ERC2: variants seen among roughly 807,000 people sequenced by gnomAD.
ERC2 encodes ERC protein 2.
ERC2 carries 42 observed loss-of-function variants against 114.8 expected under a neutral mutation model. The ratio of observed to expected loss-of-function variants is 0.37; its 90% CI spans 0.29 to 0.47. The LOEUF (loss-of-function observed/expected upper bound fraction) is 0.47, where lower values mean the gene tolerates loss of function less well. ERC2 is among the 20% of genes least tolerant of loss of function. ERC2 has a pLI of 0.99. For synonymous variants in ERC2, 454 were observed against 425.5 expected, an observed-to-expected ratio of 1.07 and a Z score of -0.82; for missense variants, 939 against 1,150.7, an observed-to-expected ratio of 0.82 and a Z score of 2.66.
intron 15 of ERC2, among the ~76,000 whole-genome samples, chr3:55,727,701 A>G (rs1264826925): frequency 6.6e-6 from 1 of 152,218 alleles, no homozygotes; most frequent in East Asian, 1.9e-4. Flanking sequence ...AGGAGTTTTC[A>G]GGGATGAAAT....
At position 56,241,829 on chromosome 3, in the gene ERC2, G is replaced by C. The variant is rs374760538; in HGVS notation, c.1074+54190C>G. On this transcript the variant is annotated intron_variant, in intron 3 of 17. Transcript: ENST00000288221. Reference sequence around the variant, plus strand: ...ACACTCACCTACATGCTAGAGCAGGGGTCAACTAATGATGACATATGGGTT... The same window carrying C: ...ACACTCACCTACATGCTAGAGCAGGCGTCAACTAATGATGACATATGGGTT... 2.7e-4 allele frequency among the ~76,000 whole-genome samples: 41 copies of C among 152,046 alleles called. 1 individual carries two copies. Among genetic ancestry groups the C allele is most frequent in the Admixed American group, 1.2e-3 (19 of 15,262 alleles).
intron 2 of ERC2, among the ~76,000 whole-genome samples, chr3:56,298,133 A>C (rs933660477): frequency 2.0e-5 from 3 of 152,190 alleles, no homozygotes; most frequent in Admixed American, 6.5e-5. Context: ...AAATTTTTTA[A>C]CATTACCTCA....
intron 14 of ERC2, among the ~76,000 whole-genome samples, chr3:55,857,562 A>G (rs2061845221): frequency 6.6e-6 from 1 of 152,212 alleles, no homozygotes; most frequent in Non-Finnish European, 1.5e-5. Context: ...TTTTAATGCT[A>G]CTGTCAGGCC....
intron 3 of ERC2, among the ~76,000 whole-genome samples, chr3:56,247,928 G>C (rs2051830973): frequency 6.6e-6 from 1 of 152,172 alleles, no homozygotes; most frequent in Admixed American, 6.5e-5. Flanking sequence ...CATGCTATCT[G>C]AAACACAGGA....
chr3:55,614,581 C>T lies in ERC2; in HGVS notation c.*39+69213G>A, dbSNP rs545336464. The stretch of plus-strand genomic sequence containing the variant: ...TCCTTTCCCAATTATATGAATTTTC[C>T]TTTGGGTGACAAAGATACCCAATGA... On this transcript the variant is annotated intron_variant, in intron 17 of 17. Coordinates refer to ENST00000288221, the MANE Select transcript of ERC2 (RefSeq NM_015576.3). Among the ~76,000 whole-genome samples, 4 of 152,124 alleles carry T rather than the reference C, an allele frequency of 2.6e-5. No individual in the cohort carries two copies. The East Asian group carries it at 7.7e-4, about 29-fold the overall frequency.
intron 2 of ERC2, among the ~76,000 whole-genome samples, chr3:56,395,385 T>TTA (rs1361237183): frequency 6.6e-6 from 1 of 152,198 alleles, no homozygotes; most frequent in African/African-American, 2.4e-5. Flanking sequence ...TTAAATACTT[T>TTA]AACATTGTCT....
At chr3:56,086,442 C>T (rs2077507053) in intron 6 of ERC2, among the ~76,000 whole-genome samples, 1 of 151,656 alleles carries the variant, frequency 6.6e-6, no homozygotes, top group Admixed American at 6.6e-5. Context: ...CTTTCAATCA[C>T]CTTCACTCTG....
At chr3:55,865,260 A>G (rs1319001554) in intron 14 of ERC2, among the ~76,000 whole-genome samples, 1 of 152,190 alleles carries the variant, frequency 6.6e-6, no homozygotes, top group Non-Finnish European at 1.5e-5. Context: ...GTTTCACTTC[A>G]AGCACCAGTG....
intron 2 of ERC2, among the ~76,000 whole-genome samples, chr3:56,401,433 T>G (rs1393137083): frequency 1.3e-5 from 2 of 152,220 alleles, no homozygotes; most frequent in Non-Finnish European, 2.9e-5. Context: ...TTATGCTCTG[T>G]AACCCAATCA....
chr3:55,921,627 ATTATT>A (rs1375212828), intron 13 of ERC2, among the ~76,000 whole-genome samples: 1 of 152,176 alleles, frequency 6.6e-6, no homozygotes, highest in African/African-American at 2.4e-5. Context: ...GAAAATGCAA[ATTATT>A]TTATTTTATT....
chr3:56,376,768 A>C (rs1425170414), intron 2 of ERC2, among the ~76,000 whole-genome samples: 1 of 152,088 alleles, frequency 6.6e-6, no homozygotes, highest in Admixed American at 6.5e-5. Flanking sequence ...GTCTCAAAAA[A>C]AAAAAAAAAT....
chr3:55,605,810 G>A (rs2058617254), intron 17 of ERC2, among the ~76,000 whole-genome samples: 1 of 152,164 alleles, frequency 6.6e-6, no homozygotes, highest in African/African-American at 2.4e-5. Context: ...GGCTCATTCT[G>A]TTTGGTTCAA....
rs117898664 is a variant in ERC2, at chr3:56,365,820, A to C, written c.657+68531T>G. ...CTAGCCTGCAAAGCCTAAAATGTTCATTATCCGCCCCTTGACAGAACTTAC... is the reference window on the plus strand; with the variant it reads ...CTAGCCTGCAAAGCCTAAAATGTTCCTTATCCGCCCCTTGACAGAACTTAC... On this transcript the variant is annotated intron_variant, in intron 2 of 17. Coordinates refer to ENST00000288221, the MANE Select transcript of ERC2 (RefSeq NM_015576.3). Among the ~76,000 whole-genome samples, 16 of 152,346 alleles carry C rather than the reference A, an allele frequency of 1.1e-4. No individual in the cohort carries two copies. In the East Asian group the frequency reaches 3.1e-3, roughly 29 times the overall value.
chr3:56,127,036 C>G (rs2079918165), intron 6 of ERC2, among the ~76,000 whole-genome samples: 1 of 151,804 alleles, frequency 6.6e-6, no homozygotes, highest in South Asian at 2.1e-4. Flanking sequence ...TAATGGAGAA[C>G]TATGTAAAAA....
intron 15 of ERC2, among the ~76,000 whole-genome samples, chr3:55,721,477 A>G (rs1031947138): frequency 6.6e-6 from 1 of 152,248 alleles, no homozygotes; most frequent in African/African-American, 2.4e-5. Context: ...GTGTGAATGC[A>G]CTGGAATAAT....
chr3:55,832,523 T>A (rs1366761585), intron 14 of ERC2, among the ~76,000 whole-genome samples: 3 of 152,028 alleles, frequency 2.0e-5, no homozygotes, highest in Admixed American at 2.0e-4. Flanking sequence ...TCTAGCAAAC[T>A]CCAACAGACC....
intron 2 of ERC2, among the ~76,000 whole-genome samples, chr3:56,389,036 A>G (rs1044050737): frequency 2.0e-5 from 3 of 152,322 alleles, no homozygotes; most frequent in South Asian, 2.1e-4. Context: ...AAAGAGTACA[A>G]AAATTGTAAT....
At chr3:56,187,060 T>C (rs1318311113) in intron 3 of ERC2, among the ~76,000 whole-genome samples, 1 of 152,092 alleles carries the variant, frequency 6.6e-6, no homozygotes, top group Admixed American at 6.5e-5. Flanking sequence ...AAGGGTGTTG[T>C]ATAGGAAATC....
At chr3:55,864,158 C>CATATATATCCACAT (rs2062173278) in intron 14 of ERC2, among the ~76,000 whole-genome samples, 5 of 112,992 alleles carry the variant, frequency 4.4e-5, no homozygotes, top group African/African-American at 1.9e-4. Context: ...TATATATACA[C>CATATATATCCACAT]ATATATATAC....
Sources: allele counts gnomAD v4.1 joint callset (sites outside exome capture counted in the v4.1 genomes callset), GRCh38; gene constraint gnomAD v4.1.1; transcripts MANE v1.5; gene names NCBI Gene and HGNC (gene_info 2026-07-23, HGNC 2026-07-21).